CTNNA3: variants seen among roughly 807,000 people sequenced by gnomAD.
CTNNA3 encodes catenin alpha-3.
A neutral mutation model predicts 95.7 loss-of-function variants in CTNNA3; 76 were observed. That is an observed-to-expected ratio of 0.79 (90% CI 0.66 to 0.96). The LOEUF is 0.96. CTNNA3 is among the 40% of genes least tolerant of loss of function. CTNNA3 has a pLI of 0.00. For missense variants in CTNNA3, 1,191 were observed against 1,089.8 expected (o/e 1.09, Z -1.31); for synonymous variants, 431 against 374.4 (o/e 1.15, Z -1.74).
chr10:66,018,876 G>T (rs1256191798), intron 15 of CTNNA3, among the ~76,000 whole-genome samples: 2 of 151,528 alleles, frequency 1.3e-5, no homozygotes, highest in East Asian at 3.9e-4. Context: ...GGAAGTGATA[G>T]ATGATCAATC....
intron 7 of CTNNA3, among the ~76,000 whole-genome samples, chr10:66,892,143 A>G (rs926568381): frequency 1.3e-5 from 2 of 152,150 alleles, no homozygotes; most frequent in African/African-American, 4.8e-5. Context: ...CTTTTATTTA[A>G]AAGCTGAGAA....
intron 7 of CTNNA3, among the ~76,000 whole-genome samples, chr10:66,913,105 G>C (rs112869059): frequency 6.6e-6 from 1 of 151,836 alleles, no homozygotes; most frequent in Non-Finnish European, 1.5e-5. Context: ...CGGGCGCTGT[G>C]GCAGGCGCCT....
rs1846371051 is a variant in CTNNA3, at chr10:67,438,186, C to T, written c.579+83656G>A. Among the ~76,000 whole-genome samples the T allele has an allele frequency of 3.3e-5, 5 of 152,096 alleles. No individual in the cohort carries two copies. The South Asian group carries it at 1.0e-3, about 32-fold the overall frequency. On this transcript the variant is annotated intron_variant, in intron 5 of 17. Coordinates refer to ENST00000433211, the MANE Select transcript of CTNNA3 (RefSeq NM_013266.4). ...CATAAGCAGTACTTGGCAGTTTGGGCATGATGGGAATGTTCCCACCACCCC... is the reference window on the plus strand; with the variant it reads ...CATAAGCAGTACTTGGCAGTTTGGGTATGATGGGAATGTTCCCACCACCCC...
intron 2 of CTNNA3, among the ~76,000 whole-genome samples, chr10:67,627,472 T>G (rs2133427052): frequency 6.6e-6 from 1 of 152,330 alleles, no homozygotes; most frequent in Admixed American, 6.5e-5. Flanking sequence ...CATAATAACC[T>G]AAATAAATAG....
intron 7 of CTNNA3, among the ~76,000 whole-genome samples, chr10:67,071,082 G>T (rs2131847737): frequency 6.6e-6 from 1 of 152,150 alleles, no homozygotes; most frequent in Admixed American, 6.5e-5. Context: ...TTTTGCAATG[G>T]TATTGATGTC....
intron 7 of CTNNA3, among the ~76,000 whole-genome samples, chr10:66,864,463 C>A (rs1324986146): frequency 6.6e-6 from 1 of 152,158 alleles, no homozygotes; most frequent in Non-Finnish European, 1.5e-5. Flanking sequence ...TCCTCCAGAA[C>A]TATCAGAAGT....
At chr10:67,321,943 C>T (rs1053780565) in intron 5 of CTNNA3, among the ~76,000 whole-genome samples, 1 of 151,910 alleles carries the variant, frequency 6.6e-6, no homozygotes, top group Non-Finnish European at 1.5e-5. Flanking sequence ...TATTTTTCAC[C>T]TCCCTCCATA....
intron 12 of CTNNA3, among the ~76,000 whole-genome samples, chr10:66,335,867 G>A (rs1216815664): frequency 3.3e-5 from 5 of 152,190 alleles, no homozygotes; most frequent in African/African-American, 1.2e-4. Context: ...TTGAGCTGTG[G>A]TGGGCTCCAC....
intron 15 of CTNNA3, among the ~76,000 whole-genome samples, chr10:65,989,842 A>G (rs2078503203): frequency 6.6e-6 from 1 of 151,984 alleles, no homozygotes; most frequent in African/African-American, 2.4e-5. Context: ...TGCTCCCATT[A>G]ACCAACCTCT....
chr10:67,167,165 T>C (rs1211442549), intron 7 of CTNNA3, among the ~76,000 whole-genome samples: 1 of 152,186 alleles, frequency 6.6e-6, no homozygotes, highest in Non-Finnish European at 1.5e-5. Flanking sequence ...TTCTGAGGTT[T>C]GGCTGGGCTC....
At chr10:66,885,297 GT>G (rs975616978) in intron 7 of CTNNA3, among the ~76,000 whole-genome samples, 1 of 152,102 alleles carries the variant, frequency 6.6e-6, no homozygotes, top group Non-Finnish European at 1.5e-5. Context: ...GTTCAATAAG[GT>G]TTTTTGTGAG....
chr10:66,007,704 T>TCCTC (rs1207637044), intron 15 of CTNNA3, among the ~76,000 whole-genome samples: 40 of 86,336 alleles, frequency 4.6e-4, no homozygotes, highest in East Asian at 3.4e-3. Flanking sequence ...GGCTTTTAGA[T>TCCTC]CCTCCCTCCC....
intron 12 of CTNNA3, among the ~76,000 whole-genome samples, chr10:66,338,190 G>A (rs1333543561): frequency 2.0e-5 from 3 of 152,054 alleles, no homozygotes; most frequent in South Asian, 2.1e-4. Context: ...AGTGAGAGAC[G>A]CCAGTCACAA....
intron 12 of CTNNA3, among the ~76,000 whole-genome samples, chr10:66,314,386 A>C (rs2092069572): frequency 6.6e-6 from 1 of 150,496 alleles, no homozygotes; most frequent in Non-Finnish European, 1.5e-5. Flanking sequence ...TAGGTAGCAA[A>C]AATTAATTTA....
chr10:66,145,825 G>A (rs1307737296), intron 13 of CTNNA3, among the ~76,000 whole-genome samples: 2 of 152,056 alleles, frequency 1.3e-5, no homozygotes, highest in Non-Finnish European at 2.9e-5. Flanking sequence ...ATGAATGCTG[G>A]TTATCAGCTG....
intron 2 of CTNNA3, among the ~76,000 whole-genome samples, chr10:67,622,010 C>T (rs780543415): frequency 6.6e-5 from 10 of 152,146 alleles, no homozygotes; most frequent in Non-Finnish European, 1.3e-4. Flanking sequence ...TATCTGGACC[C>T]ATACAGTAAA....
intron 7 of CTNNA3, among the ~76,000 whole-genome samples, chr10:67,132,911 G>A (rs1299086440): frequency 1.3e-5 from 2 of 151,882 alleles, no homozygotes; most frequent in African/African-American, 4.8e-5. Flanking sequence ...CCAGAGACTG[G>A]GACGGGTGAG....
At position 65,918,039 on chromosome 10, in the gene CTNNA3, T is replaced by C. The variant is rs1442120415; in HGVS notation, c.*2291A>G. 6.6e-6 allele frequency: 1 copy of C among 152,180 alleles called. No individual in the cohort carries two copies. The highest frequency in any genetic ancestry group is 1.5e-5 in the Non-Finnish European group (1 of 68,030). The allele number at this position is 152,180 out of a possible 1,614,324, so 9.4% of individuals were successfully genotyped here. On this transcript the variant is annotated 3_prime_UTR_variant, in exon 18 of 18. Transcript: ENST00000433211. The stretch of plus-strand genomic sequence containing the variant: ...CATTGAGTTAAAATTTTTATTGTTT[T>C]ATTTAATTATAGTTTGCTTTGAGCT...
rs564986115 is a variant in CTNNA3 at position 66,024,899 on chromosome 10, C to T, written c.2160-36102G>A. Among the ~76,000 whole-genome samples the T allele has an allele frequency of 1.2e-3, 187 of 152,282 alleles. 2 individuals carry two copies. The highest frequency in any genetic ancestry group is 1.2e-3 in the Admixed American group (19 of 15,300). On this transcript the variant is annotated intron_variant, in intron 15 of 17. Coordinates refer to ENST00000433211, the MANE Select transcript of CTNNA3 (RefSeq NM_013266.4). Reference sequence around the variant, plus strand: ...CACCCAGCTTGATAATGCATCACAGCTGGAAGAAAGGGGCTGCTGATTATT... The same window carrying T: ...CACCCAGCTTGATAATGCATCACAGTTGGAAGAAAGGGGCTGCTGATTATT...
Sources: gnomAD v4.1 joint callset for allele counts (sites outside exome capture counted in the v4.1 genomes callset) on GRCh38, gnomAD v4.1.1 for gene constraint, MANE v1.5 for transcripts, NCBI Gene and HGNC (gene_info 2026-07-23, HGNC 2026-07-21) for gene names.